MCPH1: variants seen among roughly 807,000 people sequenced by gnomAD.
MCPH1 encodes the protein microcephalin 1.
A neutral mutation model predicts 84.5 loss-of-function variants in MCPH1; 104 were observed. The ratio of observed to expected loss-of-function variants is 1.23; its 90% CI spans 1.05 to 1.45. The LOEUF (loss-of-function observed/expected upper bound fraction) is 1.45. Ranked by LOEUF, MCPH1 falls within the 40% of genes most tolerant of loss-of-function variation. The probability of loss-of-function intolerance (pLI) is 0.00; values close to 1 mark genes in which losing one functional copy is unlikely to be tolerated. For missense variants in MCPH1, 1,498 were observed against 1,005.7 expected (o/e 1.49, Z -6.62); for synonymous variants, 514 against 366.8 (o/e 1.40, Z -4.58).
intron 1 of MCPH1, among the ~76,000 whole-genome samples, chr8:6,407,602 C>CAAAA (rs1797926122): frequency 6.6e-6 from 1 of 152,152 alleles, no homozygotes; most frequent in African/African-American, 2.4e-5. Flanking sequence ...ACCTCATAGC[C>CAAAA]AAAAGTAAAG....
chr8:6,452,720 A>G (rs1384515236), intron 8 of MCPH1, among the ~76,000 whole-genome samples: 1 of 152,258 alleles, frequency 6.6e-6, no homozygotes, highest in Non-Finnish European at 1.5e-5. Context: ...ATGTGAAGAC[A>G]GCAAGAAGGT....
chr8:6,633,347 C>T (rs971576393), intron 13 of MCPH1, among the ~76,000 whole-genome samples: 2 of 152,140 alleles, frequency 1.3e-5, no homozygotes, highest in Non-Finnish European at 2.9e-5. Context: ...TTGTAAGATC[C>T]ACTCACTGAA....
rs918748622 is a variant in MCPH1 at position 6,530,674 on chromosome 8, T to A, written c.2214+30745T>A. 3.3e-5 allele frequency among the ~76,000 whole-genome samples: 5 copies of A among 152,322 alleles called. No homozygotes were observed. The East Asian group carries it at 9.6e-4, about 29-fold the overall frequency. ...GTACCTTATGATCCGTTATGTAAAA[T>A]ATTTATGTATGTTTTTCTTGAACTG... is the stretch of plus-strand genomic sequence containing the variant. On this transcript the variant is annotated intron_variant, in intron 12 of 13. Coordinates refer to ENST00000344683, the MANE Select transcript of MCPH1 (RefSeq NM_024596.5).
chr8:6,519,635 A>G (rs140688525), intron 12 of MCPH1, among the ~76,000 whole-genome samples: 2 of 152,322 alleles, frequency 1.3e-5, no homozygotes, highest in East Asian at 3.9e-4. Flanking sequence ...CGAAGATAAG[A>G]TAGACATTTC....
chr8:6,505,304 TA>T (rs1563305898), intron 12 of MCPH1, among the ~76,000 whole-genome samples: 5,607 of 57,934 alleles, frequency 0.097, 626 homozygotes, highest in African/African-American at 0.14. Flanking sequence ...CATATATATG[TA>T]TATAACATAT....
At chr8:6,612,608 C>T (rs1323540888) in intron 12 of MCPH1, among the ~76,000 whole-genome samples, 1 of 152,264 alleles carries the variant, frequency 6.6e-6, no homozygotes, top group Non-Finnish European at 1.5e-5. Context: ...CCGCTGGTTG[C>T]GGGCCTGCTC....
chr8:6,509,582 T>C (rs1012052017), intron 12 of MCPH1, among the ~76,000 whole-genome samples: 1 of 151,818 alleles, frequency 6.6e-6, no homozygotes, highest in African/African-American at 2.4e-5. Context: ...CTCATGTCTG[T>C]ATAGTAGGGT....
At chr8:6,461,142 A>C (rs1275761562) in intron 9 of MCPH1, among the ~76,000 whole-genome samples, 3 of 152,148 alleles carry the variant, frequency 2.0e-5, no homozygotes, top group Non-Finnish European at 2.9e-5. Flanking sequence ...GTTTCTCTTA[A>C]AGAGTGAAAA....
intron 12 of MCPH1, among the ~76,000 whole-genome samples, chr8:6,511,833 A>C (rs1479072539): frequency 6.6e-6 from 1 of 152,200 alleles, no homozygotes; most frequent in African/African-American, 2.4e-5. Context: ...GTCAGCGTAC[A>C]AGGGTAATGA....
chr8:6,601,695 C>A (rs1399168275), intron 12 of MCPH1, among the ~76,000 whole-genome samples: 1 of 140,810 alleles, frequency 7.1e-6, no homozygotes, highest in Non-Finnish European at 1.5e-5. Flanking sequence ...ACAGTGCATA[C>A]CACACACAAC....
At chr8:6,413,888 G>A (rs1397411807) in intron 2 of MCPH1, among the ~76,000 whole-genome samples, 2 of 151,946 alleles carry the variant, frequency 1.3e-5, no homozygotes, top group East Asian at 3.9e-4. Context: ...CCGAGTTGCT[G>A]AGACTACAGG....
intron 3 of MCPH1, 96 bp from the exon 4 acceptor site, chr8:6,431,403 G>A: frequency 2.2e-6 from 2 of 890,018 alleles, no homozygotes; most frequent in Non-Finnish European, 1.8e-6. Context: ...CCTAGCTATG[G>A]ATTTCTTAAA....
chr8:6,477,216 A>G (rs1269651002), intron 9 of MCPH1: 1 of 222,116 alleles, frequency 4.5e-6, no homozygotes, highest in African/African-American at 2.3e-5. Flanking sequence ...GGCTGCCTAG[A>G]AGTCTTGAGA....
intron 11 of MCPH1, among the ~76,000 whole-genome samples, chr8:6,485,845 C>T (rs948104860): frequency 1.3e-4 from 20 of 151,972 alleles, no homozygotes; most frequent in African/African-American, 2.9e-4. Flanking sequence ...ACAAGGTAAA[C>T]GCAATGGTAA....
At chr8:6,479,527 C>T (rs557257226) in intron 10 of MCPH1, among the ~76,000 whole-genome samples, 12 of 151,824 alleles carry the variant, frequency 7.9e-5, no homozygotes, top group Non-Finnish European at 1.6e-4. Context: ...CTCCACCTCC[C>T]GGGTTCACGC....
rs1279433884 is a variant in MCPH1, at chr8:6,644,445, C to G, written c.*1396C>G. On this transcript the variant is annotated 3_prime_UTR_variant, in exon 14 of 14. Transcript: ENST00000344683. ...GATATGATTCTATACCTAGAAAACC[C>G]TAAAGACTCTGCCAAAAGGCTCCTG... 6.6e-6 allele frequency: 1 copy of G among 152,134 alleles called. No individual in the cohort carries two copies. The highest frequency in any genetic ancestry group is 6.5e-5 in the Admixed American group (1 of 15,280). 9.4% of individuals were successfully genotyped at this position (152,134 alleles called of 1,614,324 possible).
At position 6,455,228 on chromosome 8, in the gene MCPH1, G is replaced by T. The variant is rs1805548180; in HGVS notation, c.1911G>T (p.Leu637Phe). Residue 637 changes from leucine to phenylalanine, a missense_variant, in exon 9 of 14, where the codon TTG (leucine) becomes TTT (phenylalanine). By Grantham distance (22) the Leu-to-Phe change is conservative. Transcript: ENST00000344683. ...ACCTCATCAAACCTCATGAGGAATT[G>T]AAGAAAAGTGGGAGAGGCAAAAAGG... Reference protein sequence around the residue: ...FKDLIKPHEELKKSGRGKKPT... With the variant: ...FKDLIKPHEEFKKSGRGKKPT... 1.2e-6 allele frequency: 2 copies of T among 1,613,640 alleles called. No homozygotes were observed. Among genetic ancestry groups the T allele is most frequent in the Admixed American group, 3.3e-5 (2 of 60,004 alleles).
chr8:6,586,068 C>T (rs1343287589), intron 12 of MCPH1, among the ~76,000 whole-genome samples: 1 of 152,168 alleles, frequency 6.6e-6, no homozygotes, highest in Non-Finnish European at 1.5e-5. Context: ...TCAAGTGATC[C>T]TTGTACTTCA....
At position 6,603,588 on chromosome 8, in the gene MCPH1, G is replaced by A. The variant is rs1829535812; in HGVS notation, c.2215-17866G>A. Among the ~76,000 whole-genome samples, 3 of 152,196 alleles carry A rather than the reference G, an allele frequency of 2.0e-5. No homozygotes were observed. In the South Asian group the frequency reaches 6.2e-4, roughly 32 times the overall value. Reference sequence around the variant, plus strand: ...ATTTTAGGATATAACTGATAATGTGGAAGGTACTAGCAAGGAAGTATGGGA... The same window carrying A: ...ATTTTAGGATATAACTGATAATGTGAAAGGTACTAGCAAGGAAGTATGGGA... On this transcript the variant is annotated intron_variant, in intron 12 of 13. Coordinates refer to ENST00000344683, the MANE Select transcript of MCPH1 (RefSeq NM_024596.5).
Sources: allele counts gnomAD v4.1 joint callset (sites outside exome capture counted in the v4.1 genomes callset), GRCh38; gene constraint gnomAD v4.1.1; transcripts MANE v1.5; gene names NCBI Gene and HGNC (gene_info 2026-07-23, HGNC 2026-07-21).